Variants in GJD4 observed in about 807,000 individuals in gnomAD.
The protein encoded by GJD4 is gap junction delta-4 protein.
A neutral mutation model predicts 17.9 loss-of-function variants in GJD4; 18 were observed. The ratio of observed to expected loss-of-function variants is 1.00; its 90% CI spans 0.69 to 1.49. The LOEUF is 1.49. Among genes scored for constraint, GJD4 ranks in the 40% most tolerant of loss-of-function variants. GJD4 has a pLI of 0.00. For synonymous variants in GJD4, 293 were observed against 236.8 expected, an observed-to-expected ratio of 1.24 and a Z score of -2.18; for missense variants, 639 against 506.9, an observed-to-expected ratio of 1.26 and a Z score of -2.50.
intron 1 of GJD4, chr10:35,606,106 T>G: frequency 6.5e-6 from 1 of 153,936 alleles, no homozygotes; most frequent in Non-Finnish European, 1.4e-5. Flanking sequence ...AGTGCAGTGA[T>G]GCAATCTCAG....
Position 35,608,040 on chromosome 10 carries a change from C to T in GJD4, c.527C>T (p.Thr176Met), listed in dbSNP as rs371862112. ...GFLAPKKFPC[T>M]RPPCTGVVDC... ...CTGGCCCCGAAGAAGTTCCCTTGCA[C>T]GCGCCCTCCGTGCACGGGCGTGGTG... The change falls in exon 2 of 2, where the codon ACG becomes ATG. Residue 176 changes from threonine (T) to methionine (M), a missense_variant. Coordinates refer to ENST00000321660, the MANE Select transcript of GJD4 (RefSeq NM_153368.3). 16 of 1,610,322 alleles carry T rather than the reference C, an allele frequency of 9.9e-6. No homozygotes were observed. The highest frequency in any genetic ancestry group is 5.0e-5 in the Admixed American group (3 of 59,768).
chr10:35,605,796 A>G, intron 1 of GJD4, 165 bp downstream of exon 1: 1 of 621,332 alleles, frequency 1.6e-6, no homozygotes, highest in Non-Finnish European at 2.9e-6. Context: ...TTCTGGAGGG[A>G]AGAGAGCTGA....
In GJD4 at chr10:35,607,780, C is replaced by G. The variant is rs747657692; in HGVS notation, c.267C>G (p.Ser89=). Residue 89 remains serine, a synonymous_variant, in exon 2 of 2, where the codon TCC becomes TCG. Coordinates refer to ENST00000321660, the MANE Select transcript of GJD4 (RefSeq NM_153368.3). ...AGGGCGTGTGCGTCCTCCTCCCCTCCGCCGTCTTCAGCGTCTATGTCCTGC... is the reference window on the plus strand; with the variant it reads ...AGGGCGTGTGCGTCCTCCTCCCCTCGGCCGTCTTCAGCGTCTATGTCCTGC... ...LIQGVCVLLP[S]AVFSVYVLHR... 6.2e-7 allele frequency: 1 copy of G among 1,608,160 alleles called. No individual in the cohort carries two copies. Among genetic ancestry groups the G allele is most frequent in the Admixed American group, 1.7e-5 (1 of 60,024 alleles).
Position 35,608,495 on chromosome 10 carries a change from G to A in GJD4, c.982G>A (p.Glu328Lys), listed in dbSNP as rs1306898395. The change falls in exon 2 of 2, where the codon GAG becomes AAG. Residue 328 changes from glutamate (E) to lysine (K), a missense_variant. Coordinates refer to ENST00000321660, the MANE Select transcript of GJD4 (RefSeq NM_153368.3). ...CCAGGACCCCAGGGGCTCAGGATCC[G>A]AGGAGCAGCCCTCAGCAGCCCCCAG... ...AAQDPRGSGS[E>K]EQPSAAPSRL... The A allele has an allele frequency of 6.5e-7, 1 of 1,549,572 alleles. No homozygotes were observed. The highest frequency in any genetic ancestry group is 1.2e-5 in the South Asian group (1 of 84,120).
At chr10:35,605,777 G>T in intron 1 of GJD4, 146 bp downstream of exon 1, 1 of 656,384 alleles carries the variant, frequency 1.5e-6, no homozygotes, top group Admixed American at 2.8e-5. Context: ...AAAAGAAAGG[G>T]CTGTGCCTTT....
chr10:35,608,323 C>G lies in GJD4; in HGVS notation c.810C>G (p.Ala270=), dbSNP rs1835490767. Residue 270 remains alanine (A), a synonymous_variant, in exon 2 of 2, where the codon GCC becomes GCG. Transcript: ENST00000321660. Reference sequence around the variant, plus strand: ...CACCGGCGCCCCCGGGTGCACGCGCCGGAGGGGAGGGGGCTGGCAGCCCCA... The same window carrying G: ...CACCGGCGCCCCCGGGTGCACGCGCGGGAGGGGAGGGGGCTGGCAGCCCCA... ...EGAPAPPGAR[A]GGEGAGSPRR... 6.5e-7 allele frequency: 1 copy of G among 1,548,376 alleles called. No individual in the cohort carries two copies. The highest frequency in any genetic ancestry group is 2.0e-5 in the Admixed American group (1 of 50,812).
rs749012657 is a variant in GJD4, at chr10:35,607,788, T to C, written c.275T>C (p.Phe92Ser). 3 of 1,606,182 alleles carry C rather than the reference T, an allele frequency of 1.9e-6. No individual in the cohort carries two copies. The African/African-American group carries it at 4.0e-5, about 21-fold the overall frequency. ...TGCGTCCTCCTCCCCTCCGCCGTCT[T>C]CAGCGTCTATGTCCTGCACCGAGGA... ...GVCVLLPSAV[F>S]SVYVLHRGAT... The change falls in exon 2 of 2, where the codon TTC (phenylalanine) becomes TCC (serine). Residue 92 changes from phenylalanine (F) to serine (S), a missense_variant. Phe to Ser is a radical substitution (Grantham distance 155). Transcript: ENST00000321660.
chr10:35,608,447 G>T lies in GJD4; in HGVS notation c.934G>T (p.Gly312Cys), dbSNP rs956674591. The change falls in exon 2 of 2, where the codon GGC (glycine) becomes TGC (cysteine). Residue 312 changes from glycine (G) to cysteine (C), a missense_variant. Physicochemically the swap from Gly to Cys is radical, Grantham distance 159 (BLOSUM62 -3). Coordinates refer to ENST00000321660, the MANE Select transcript of GJD4 (RefSeq NM_153368.3). Reference protein sequence around the residue: ...ASEKLGRQPRGRPHREAAQDP... With the variant: ...ASEKLGRQPRCRPHREAAQDP... ...CGAAAAGCTGGGCAGACAGCCCCGG[G>T]GCAGGCCCCACCGAGAGGCCGCCCA... 3.7e-5 allele frequency: 58 copies of T among 1,548,028 alleles called. No individual in the cohort carries two copies. The highest frequency in any genetic ancestry group is 4.6e-5 in the Non-Finnish European group (53 of 1,146,718).
rs767149393 is a variant in GJD4, at chr10:35,607,578, G to T, written c.65G>T (p.Gly22Val). 6.2e-7 allele frequency: 1 copy of T among 1,612,938 alleles called. No homozygotes were observed. The highest frequency in any genetic ancestry group is 1.1e-5 in the South Asian group (1 of 90,988). Reference sequence around the variant, plus strand: ...GCCATGCCCGCTTCCTCTCTTCCAGGAAAGCTCTGGTTCGTCCTCACGATG... The same window carrying T: ...GCCATGCCCGCTTCCTCTCTTCCAGTAAAGCTCTGGTTCGTCCTCACGATG... ...ITLNCNVTMV[G>V]KLWFVLTMLL... is the part of the protein sequence containing the mutation. The change falls in exon 2 of 2, where the codon GGA becomes GTA. Residue 22 changes from glycine to valine, a missense_variant and splice_region_variant. Coordinates refer to ENST00000321660, the MANE Select transcript of GJD4 (RefSeq NM_153368.3).
In GJD4 at chr10:35,607,953, T is replaced by G; in HGVS notation, c.440T>G (p.Leu147Arg). Residue 147 changes from leucine (L) to arginine (R), a missense_variant, in exon 2 of 2, where the codon CTC becomes CGC. Coordinates refer to ENST00000321660, the MANE Select transcript of GJD4 (RefSeq NM_153368.3). The stretch of plus-strand genomic sequence containing the variant: ...TTTTCGGCCGGCTACATCATCCACC[T>G]CCTCCTCCGGACCCTGCTGGAGGCA... ...PDFSAGYIIHLLLRTLLEAAF... is the reference protein window; with the variant it reads ...PDFSAGYIIHRLLRTLLEAAF... 1 of 1,609,892 alleles carries G rather than the reference T, an allele frequency of 6.2e-7. No individual in the cohort carries two copies. The highest frequency in any genetic ancestry group is 8.5e-7 in the Non-Finnish European group (1 of 1,179,228).
At position 35,607,697 on chromosome 10, in the gene GJD4, G is replaced by A. The variant is rs1347303151; in HGVS notation, c.184G>A (p.Ala62Thr). 3 of 1,614,052 alleles carry A rather than the reference G, an allele frequency of 1.9e-6. No individual in the cohort carries two copies. The highest frequency in any genetic ancestry group is 1.7e-5 in the Admixed American group (1 of 60,024). ...CTGCAACACGCTGCAGCCGGGATGC[G>A]CCAATGTTTGCTACGACGTCTTCTC... ...FVCNTLQPGCANVCYDVFSPV... is the reference protein window; with the variant it reads ...FVCNTLQPGCTNVCYDVFSPV... The change falls in exon 2 of 2, where the codon GCC (alanine) becomes ACC (threonine). Residue 62 changes from alanine to threonine, a missense_variant. Physicochemically the swap from Ala to Thr is moderately conservative, Grantham distance 58 (BLOSUM62 0). Transcript: ENST00000321660.
chr10:35,608,095 G>C lies in GJD4; in HGVS notation c.582G>C (p.Lys194Asn), dbSNP rs754768023. The C allele has an allele frequency of 6.2e-7, 1 of 1,609,598 alleles. No individual in the cohort carries two copies. Among genetic ancestry groups the C allele is most frequent in the African/African-American group, 1.3e-5 (1 of 74,780 alleles). The change falls in exon 2 of 2, where the codon AAG becomes AAC. Residue 194 changes from lysine (K) to asparagine (N), a missense_variant. Coordinates refer to ENST00000321660, the MANE Select transcript of GJD4 (RefSeq NM_153368.3). ...VDCYVSRPTE[K>N]SLLMLFLWAV... is the part of the protein sequence containing the mutation. Reference sequence around the variant, plus strand: ...GCTACGTGTCGCGGCCCACAGAGAAGTCCCTGCTGATGCTGTTCCTCTGGG... The same window carrying C: ...GCTACGTGTCGCGGCCCACAGAGAACTCCCTGCTGATGCTGTTCCTCTGGG...
At chr10:35,607,484 A>G (rs1835469279) in intron 1 of GJD4, 94 bp from the exon 2 acceptor site, 4 of 802,516 alleles carry the variant, frequency 5.0e-6, no homozygotes, top group Non-Finnish European at 6.1e-6. Context: ...TGACGTTTCA[A>G]TTTCCCAATC....
chr10:35,607,637 C>G lies in GJD4; in HGVS notation c.124C>G (p.Arg42Gly). Residue 42 changes from arginine to glycine, a missense_variant, in exon 2 of 2, where the codon CGA (arginine) becomes GGA (glycine). Transcript: ENST00000321660. Reference sequence around the variant, plus strand: ...GATGCTGGTGATTGTCTTGGCGGGGCGACCCGTCTACCAGGACGAGCAGGA... The same window carrying G: ...GATGCTGGTGATTGTCTTGGCGGGGGGACCCGTCTACCAGGACGAGCAGGA... ...LRMLVIVLAG[R>G]PVYQDEQERF... 6.8e-6 allele frequency: 11 copies of G among 1,613,650 alleles called. No homozygotes were observed. The highest frequency in any genetic ancestry group is 8.5e-6 in the Non-Finnish European group (10 of 1,179,946).
rs757046952 is a variant in GJD4, at chr10:35,608,651, C to T, written c.*25C>T. On this transcript the variant is annotated 3_prime_UTR_variant, in exon 2 of 2. Coordinates refer to ENST00000321660, the MANE Select transcript of GJD4 (RefSeq NM_153368.3). ...AAAAAAACAGCACCTGGCGGTGCCCCGGGGCTCACGCCTGTAATCCCAACA... is the reference window on the plus strand; with the variant it reads ...AAAAAAACAGCACCTGGCGGTGCCCTGGGGCTCACGCCTGTAATCCCAACA... The T allele has an allele frequency of 6.9e-6, 10 of 1,443,826 alleles. No homozygotes were observed. In the Admixed American group the frequency reaches 8.6e-5, roughly 12 times the overall value. 89.4% of individuals were successfully genotyped at this position (1,443,826 alleles called of 1,614,324 possible). A position where few individuals can be genotyped will look rare whatever the true frequency, so the allele number is the denominator to read the frequency against.
rs781750287 is a variant in GJD4 at position 35,607,632 on chromosome 10, C to A, written c.119C>A (p.Ala40Glu). The part of the protein sequence containing the change: ...MLLRMLVIVL[A>E]GRPVYQDEQE... ...CTGCGGATGCTGGTGATTGTCTTGGCGGGGCGACCCGTCTACCAGGACGAG... is the reference window on the plus strand; with the variant it reads ...CTGCGGATGCTGGTGATTGTCTTGGAGGGGCGACCCGTCTACCAGGACGAG... The change falls in exon 2 of 2, where the codon GCG (alanine) becomes GAG (glutamate). Residue 40 changes from alanine to glutamate, a missense_variant. Physicochemically the swap from Ala to Glu is moderately radical, Grantham distance 107. Coordinates refer to ENST00000321660, the MANE Select transcript of GJD4 (RefSeq NM_153368.3). The A allele has an allele frequency of 1.9e-6, 3 of 1,614,180 alleles. No homozygotes were observed. In the South Asian group the frequency reaches 3.3e-5, roughly 18 times the overall value.
At chr10:35,607,345 A>G (rs372365169) in intron 1 of GJD4, 21 of 556,868 alleles carry the variant, frequency 3.8e-5, no homozygotes, top group East Asian at 3.0e-4. Context: ...CAGCTACTCA[A>G]GAGGCCAAGG....
At position 35,608,386 on chromosome 10, in the gene GJD4, G is replaced by A. The variant is rs996180458; in HGVS notation, c.873G>A (p.Pro291=). Residue 291 remains proline, a synonymous_variant, in exon 2 of 2, where the codon CCG becomes CCA. Transcript: ENST00000321660. ...TSRVSGHTKI[P]DEDESEVTSS... is the part of the protein sequence containing the mutation. Reference sequence around the variant, plus strand: ...GGGTGTCAGGGCACACGAAGATTCCGGATGAGGATGAGAGTGAGGTGACAT... The same window carrying A: ...GGGTGTCAGGGCACACGAAGATTCCAGATGAGGATGAGAGTGAGGTGACAT... The A allele has an allele frequency of 5.2e-6, 8 of 1,551,048 alleles. No individual in the cohort carries two copies. The highest frequency in any genetic ancestry group is 4.9e-5 in the East Asian group (2 of 41,090).
In GJD4 at chr10:35,605,503, G is replaced by A. The variant is rs958031232; in HGVS notation, c.-65G>A. The A allele has an allele frequency of 2.0e-5, 25 of 1,249,584 alleles. 2 individuals are homozygous for A. The highest frequency in any genetic ancestry group is 1.9e-4 in the South Asian group (16 of 83,582). The allele number at this position is 1,249,584 out of a possible 1,614,324, so 77.4% of individuals were successfully genotyped here. ...TTATGTAGTTAAAGGACATTTATCC[G>A]CCTCCTTGGAGAACACAGCCCTCCA... On this transcript the variant is annotated 5_prime_UTR_variant, in exon 1 of 2. Transcript: ENST00000321660.
Sources: allele counts gnomAD v4.1 joint callset, GRCh38; gene constraint gnomAD v4.1.1; transcripts MANE v1.5; gene names NCBI Gene and HGNC (gene_info 2026-07-23, HGNC 2026-07-21).